Variants in OPCML observed in about 807,000 individuals in gnomAD.
OPCML encodes the protein opioid binding protein/cell adhesion molecule like, also known as opioid-binding protein/cell adhesion molecule.
OPCML carries 13 observed loss-of-function variants against 37.8 expected under a neutral mutation model. The observed-to-expected ratio is 0.34, with a 90% CI of 0.22 to 0.55. The LOEUF (loss-of-function observed/expected upper bound fraction) is 0.55, where lower values mean the gene tolerates loss of function less well. OPCML is among the 20% of genes least tolerant of loss of function. The pLI is 0.91. For missense variants in OPCML, 341 were observed against 435.6 expected, an observed-to-expected ratio of 0.78 and a Z score of 1.93; for synonymous variants, 176 against 168.8, an observed-to-expected ratio of 1.04 and a Z score of -0.33.
chr11:133,261,672 C>T (rs1433330748), intron 1 of OPCML, among the ~76,000 whole-genome samples: 2 of 152,180 alleles, frequency 1.3e-5, no homozygotes, highest in East Asian at 3.8e-4. Context: ...AAAGGAACAG[C>T]GCATAGTACA....
chr11:132,726,350 T>C (rs1048261027), intron 2 of OPCML, among the ~76,000 whole-genome samples: 2 of 152,096 alleles, frequency 1.3e-5, no homozygotes, highest in Admixed American at 1.3e-4. Flanking sequence ...CTCCCCCTCA[T>C]AGAACCACCA....
chr11:133,382,244 T>A (rs1944945360), intron 1 of OPCML, among the ~76,000 whole-genome samples: 1 of 152,182 alleles, frequency 6.6e-6, no homozygotes, highest in South Asian at 2.1e-4. Flanking sequence ...AATGGCCAGC[T>A]GTGTGGATGC....
At chr11:132,636,745 C>T (rs1483077901) in intron 3 of OPCML, among the ~76,000 whole-genome samples, 4 of 152,138 alleles carry the variant, frequency 2.6e-5, no homozygotes, top group African/African-American at 9.7e-5. Context: ...TGTAAAAACC[C>T]TGCTCTGTTC....
chr11:133,116,582 T>G (rs1443509591), intron 1 of OPCML, among the ~76,000 whole-genome samples: 4 of 152,166 alleles, frequency 2.6e-5, no homozygotes, highest in Admixed American at 6.5e-5. Flanking sequence ...CACTATTAGA[T>G]GCAGGTTATG....
intron 1 of OPCML, among the ~76,000 whole-genome samples, chr11:133,129,824 C>G (rs1949576295): frequency 2.0e-5 from 3 of 152,130 alleles, no homozygotes; most frequent in African/African-American, 7.2e-5. Context: ...AGGAAGGTAA[C>G]TTGAACACAG....
At chr11:133,290,492 G>A (rs1472266778) in intron 1 of OPCML, among the ~76,000 whole-genome samples, 4 of 152,214 alleles carry the variant, frequency 2.6e-5, no homozygotes, top group Non-Finnish European at 2.9e-5. Context: ...GGATGTTGGG[G>A]GATGGGATGT....
At chr11:132,657,758 G>T (rs1196600144) in intron 2 of OPCML, among the ~76,000 whole-genome samples, 3 of 152,056 alleles carry the variant, frequency 2.0e-5, no homozygotes, top group Non-Finnish European at 2.9e-5. Flanking sequence ...ATCAAAAATT[G>T]AACATATTTA....
At chr11:133,076,559 G>A (rs1466774567) in intron 1 of OPCML, among the ~76,000 whole-genome samples, 1 of 152,138 alleles carries the variant, frequency 6.6e-6, no homozygotes, top group African/African-American at 2.4e-5. Context: ...AACGCAAGCG[G>A]CGGTCCAGAC....
chr11:133,070,704 A>G (rs1948518583), intron 1 of OPCML, among the ~76,000 whole-genome samples: 1 of 152,192 alleles, frequency 6.6e-6, no homozygotes, highest in Non-Finnish European at 1.5e-5. Flanking sequence ...TGTCTAAGCT[A>G]ATATTATAAT....
At chr11:133,295,145 C>T (rs1335469333) in intron 1 of OPCML, among the ~76,000 whole-genome samples, 3 of 152,064 alleles carry the variant, frequency 2.0e-5, no homozygotes, top group Non-Finnish European at 4.4e-5. Flanking sequence ...AGCTTCAAAC[C>T]CAACTTCTTT....
At chr11:132,556,841 GTGACTCTAGT>G (rs1293027191) in intron 3 of OPCML, among the ~76,000 whole-genome samples, 2 of 152,112 alleles carry the variant, frequency 1.3e-5, no homozygotes, top group African/African-American at 4.8e-5. Context: ...AAAGAGAAGT[GTGACTCTAGT>G]TGGGCCTGGA....
chr11:132,915,786 TA>T (rs1944583655), intron 2 of OPCML, among the ~76,000 whole-genome samples: 1 of 152,270 alleles, frequency 6.6e-6, no homozygotes, highest in African/African-American at 2.4e-5. Flanking sequence ...TGCTCATTCA[TA>T]TTTTTTGTCT....
intron 1 of OPCML, among the ~76,000 whole-genome samples, chr11:133,520,807 G>A (rs1948381954): frequency 6.6e-6 from 1 of 152,138 alleles, no homozygotes; most frequent in African/African-American, 2.4e-5. Context: ...CCCGTTTCAG[G>A]TCTCTCATCA....
intron 1 of OPCML, among the ~76,000 whole-genome samples, chr11:133,222,219 G>T (rs1473474017): frequency 6.6e-6 from 1 of 152,192 alleles, no homozygotes; most frequent in Admixed American, 6.5e-5. Context: ...GTCACCATGT[G>T]AAGGTGAGTG....
In OPCML at chr11:132,805,434, C is replaced by T. The variant is rs183088682; in HGVS notation, c.146+137492G>A. On this transcript the variant is annotated intron_variant, in intron 2 of 7. Coordinates refer to ENST00000524381, the MANE Select transcript of OPCML (RefSeq NM_001012393.5). ...CATTTTATTTAAGAAACCAGACCAA[C>T]CTATTGATCCCAGAAGTCCAGCAAA... is the stretch of plus-strand genomic sequence containing the variant. 5.3e-5 allele frequency among the ~76,000 whole-genome samples: 8 copies of T among 152,262 alleles called. No homozygotes were observed. In the East Asian group the frequency reaches 7.7e-4, roughly 15 times the overall value.
intron 3 of OPCML, among the ~76,000 whole-genome samples, chr11:132,642,565 T>G (rs1940912713): frequency 6.6e-6 from 1 of 152,200 alleles, no homozygotes; most frequent in Admixed American, 6.5e-5. Flanking sequence ...TTAGGATAAG[T>G]GAAGGGACAG....
intron 4 of OPCML, among the ~76,000 whole-genome samples, chr11:132,448,138 C>T (rs1398177787): frequency 6.6e-6 from 1 of 152,184 alleles, no homozygotes; most frequent in Admixed American, 6.5e-5. Context: ...TGGGGAAATG[C>T]CCTTTTGAGG....
In OPCML at chr11:133,212,100, TG is replaced by T. The variant is rs1288112799; in HGVS notation, c.62-269091del. Among the ~76,000 whole-genome samples, 2 of 151,974 alleles carry T rather than the reference TG, an allele frequency of 1.3e-5. No individual in the cohort carries two copies. The highest frequency in any genetic ancestry group is 1.3e-4 in the Admixed American group (2 of 15,238). On this transcript the variant is annotated intron_variant, in intron 1 of 7. Transcript: ENST00000524381. This position sits in a 1 kb window ranked among gnomAD's most constrained non-coding sequence, Gnocchi z 4.9. Reference sequence around the variant, plus strand: ...GTGGGGTTACACCTGCATAGTGAGGTGGGGGGTCAGGATCCTTCACCTGCTG... The same window carrying T: ...GTGGGGTTACACCTGCATAGTGAGGTGGGGGTCAGGATCCTTCACCTGCTG...
chr11:132,949,584 G>T (rs549679642), intron 1 of OPCML, among the ~76,000 whole-genome samples: 1 of 152,102 alleles, frequency 6.6e-6, no homozygotes, highest in Non-Finnish European at 1.5e-5. Flanking sequence ...AGTCTTTGAC[G>T]GATCAGTCTC....
Sources: allele counts gnomAD v4.1 joint callset (sites outside exome capture counted in the v4.1 genomes callset), GRCh38; gene constraint gnomAD v4.1.1; non-coding constraint Gnocchi (gnomAD v3.1); transcripts MANE v1.5; gene names NCBI Gene and HGNC (gene_info 2026-07-23, HGNC 2026-07-21).